CCDC91: variants seen among roughly 807,000 people sequenced by gnomAD.
CCDC91 encodes coiled-coil domain containing 91.
Under a neutral mutation model 63.2 loss-of-function variants are expected in CCDC91, and 48 were observed. The ratio of observed to expected loss-of-function variants is 0.76; its 90% confidence interval spans 0.60 to 0.97. The LOEUF is 0.97. Ranked by LOEUF, CCDC91 falls within the 50% of genes least tolerant of loss-of-function variation. The pLI is 0.00. For missense variants in CCDC91, 500 were observed against 494.6 expected (o/e 1.01, Z -0.10); for synonymous variants, 167 against 165.8 (o/e 1.01, Z -0.06).
At chr12:28,473,692 T>C (rs1304570807) in intron 11 of CCDC91, among the ~76,000 whole-genome samples, 1 of 152,120 alleles carries the variant, frequency 6.6e-6, no homozygotes, top group East Asian at 1.9e-4. Flanking sequence ...ATTCAACAAA[T>C]CATCTGACTC....
At chr12:28,397,955 T>TA (rs1430612646) in intron 8 of CCDC91, among the ~76,000 whole-genome samples, 1 of 152,064 alleles carries the variant, frequency 6.6e-6, no homozygotes, top group Non-Finnish European at 1.5e-5. Flanking sequence ...TCCCTTAGAG[T>TA]TACAAGTACT....
chr12:28,409,851 T>A (rs1364893316), intron 8 of CCDC91, among the ~76,000 whole-genome samples: 1 of 152,162 alleles, frequency 6.6e-6, no homozygotes, highest in Non-Finnish European at 1.5e-5. Flanking sequence ...GTTTTTCAGA[T>A]GTATTTCTTT....
At chr12:28,190,744 C>G (rs1458280657) in intron 1 of CCDC91, 103 bp downstream of exon 1, 1 of 97,876 alleles carries the variant, frequency 1.0e-5, no homozygotes, top group Non-Finnish European at 3.0e-5. Flanking sequence ...GAGCTTCCGC[C>G]GCCTGCAGCC....
intron 1 of CCDC91, among the ~76,000 whole-genome samples, chr12:28,240,600 A>T (rs1945265675): frequency 6.6e-6 from 1 of 152,124 alleles, no homozygotes; most frequent in East Asian, 1.9e-4. Context: ...TTTTTTTTAT[A>T]TAAATGGAAT....
rs140075978 is a variant in CCDC91, at chr12:28,321,719, C to T, written c.576+13970C>T. On this transcript the variant is annotated intron_variant, in intron 6 of 12. Transcript: ENST00000536442. ...CCTCACCGGAAAATGATCATGCTGGCACCTTGATCTTGGGCTTCTAGCCTC... is the reference window on the plus strand; with the variant it reads ...CCTCACCGGAAAATGATCATGCTGGTACCTTGATCTTGGGCTTCTAGCCTC... Among the ~76,000 whole-genome samples the T allele has an allele frequency of 7.6e-4, 116 of 151,922 alleles. 1 individual carries two copies. Among genetic ancestry groups the T allele is most frequent in the Non-Finnish European group, 1.6e-3 (107 of 67,862 alleles).
chr12:28,290,922 C>T (rs1325098363), intron 3 of CCDC91, among the ~76,000 whole-genome samples: 1 of 152,006 alleles, frequency 6.6e-6, no homozygotes, highest in Non-Finnish European at 1.5e-5. Flanking sequence ...AGAGGTATAA[C>T]TTTGGTATTT....
chr12:28,254,456 ATAAAG>A (rs529069469), intron 1 of CCDC91, among the ~76,000 whole-genome samples: 13 of 152,326 alleles, frequency 8.5e-5, no homozygotes, highest in African/African-American at 3.1e-4. Flanking sequence ...TGCACTTTAG[ATAAAG>A]TAAATATTTT....
chr12:28,336,575 A>G (rs1230512166), intron 6 of CCDC91, among the ~76,000 whole-genome samples: 2 of 152,052 alleles, frequency 1.3e-5, no homozygotes, highest in Non-Finnish European at 2.9e-5. Flanking sequence ...GTTGGTGACT[A>G]TTTTCTGAAG....
intron 1 of CCDC91, among the ~76,000 whole-genome samples, chr12:28,193,065 T>C (rs1054666413): frequency 2.0e-5 from 3 of 152,368 alleles, no homozygotes; most frequent in African/African-American, 7.2e-5. Flanking sequence ...GATGCATGTT[T>C]GTTGATGCTT....
intron 1 of CCDC91, among the ~76,000 whole-genome samples, chr12:28,219,794 T>C (rs1359638294): frequency 6.6e-6 from 1 of 152,092 alleles, no homozygotes. Flanking sequence ...CATTTTTAAG[T>C]GTACAGTTCA....
intron 8 of CCDC91, among the ~76,000 whole-genome samples, chr12:28,418,995 A>C (rs1370316588): frequency 1.3e-5 from 2 of 152,184 alleles, no homozygotes; most frequent in Non-Finnish European, 2.9e-5. Flanking sequence ...GTATTTGTCA[A>C]AATGCTTATG....
Position 28,322,692 on chromosome 12 carries a change from G to A in CCDC91, c.576+14943G>A, listed in dbSNP as rs530461877. On this transcript the variant is annotated intron_variant, in intron 6 of 12. Transcript: ENST00000536442. ...TAGTCTAGTAAAAATTTCAAATATA[G>A]AAATCCATAACTTAGAAAGTAAAAG... 4.0e-5 allele frequency among the ~76,000 whole-genome samples: 6 copies of A among 151,268 alleles called. No homozygotes were observed. In the South Asian group the frequency reaches 1.2e-3, roughly 31 times the overall value.
chr12:28,531,235 T>C (rs1941704269), intron 12 of CCDC91, among the ~76,000 whole-genome samples: 1 of 152,256 alleles, frequency 6.6e-6, no homozygotes, highest in Admixed American at 6.5e-5. Flanking sequence ...CGTGAAGAAA[T>C]AATTAGGTGA....
intron 6 of CCDC91, among the ~76,000 whole-genome samples, chr12:28,317,056 G>A (rs1336954684): frequency 6.6e-6 from 1 of 151,894 alleles, no homozygotes; most frequent in Admixed American, 6.6e-5. Flanking sequence ...GTGAGTTTCT[G>A]TTAGCCATTT....
intron 1 of CCDC91, among the ~76,000 whole-genome samples, chr12:28,234,024 A>G (rs1336104673): frequency 6.6e-6 from 1 of 152,180 alleles, no homozygotes; most frequent in Non-Finnish European, 1.5e-5. Flanking sequence ...ATGCATCCAC[A>G]GAACTCATCT....
chr12:28,195,155 TTTTACAGAGTGCTGATTGGTCC>T (rs1941655904), intron 1 of CCDC91, among the ~76,000 whole-genome samples: 3 of 89,406 alleles, frequency 3.4e-5, no homozygotes, highest in Non-Finnish European at 5.6e-5. Flanking sequence ...GATTGGTCCG[TTTTACAGAGTGCTGATTGGTCC>T]GTTTTGCCAG....
chr12:28,194,597 G>A (rs1247109578), intron 1 of CCDC91, among the ~76,000 whole-genome samples: 1 of 151,830 alleles, frequency 6.6e-6, no homozygotes, highest in Non-Finnish European at 1.5e-5. Context: ...TGGTGGGTTT[G>A]TGGCCTTGCT....
intron 1 of CCDC91, chr12:28,236,136 T>C (rs1310252853): frequency 5.3e-5 from 8 of 152,116 alleles, no homozygotes; most frequent in Non-Finnish European, 8.8e-5. Flanking sequence ...GATCAAAGTT[T>C]GATCTCTATA....
At chr12:28,265,614 A>G (rs1947135266) in intron 3 of CCDC91, among the ~76,000 whole-genome samples, 1 of 136,942 alleles carries the variant, frequency 7.3e-6, no homozygotes, top group African/African-American at 2.6e-5. Context: ...ATATCCCATT[A>G]CTCTCCTTAC....
Sources: allele counts gnomAD v4.1 joint callset (sites outside exome capture counted in the v4.1 genomes callset), GRCh38; gene constraint gnomAD v4.1.1; transcripts MANE v1.5; gene names NCBI Gene and HGNC (gene_info 2026-07-23, HGNC 2026-07-21).